Variants in MYRIP observed in about 807,000 individuals in gnomAD.
MYRIP encodes the protein myosin VIIA and Rab interacting protein, also known as rab effector MyRIP.
MYRIP carries 49 observed loss-of-function variants against 98.0 expected under a neutral mutation model. The observed-to-expected ratio is 0.50, with a 90% confidence interval of 0.40 to 0.63. The LOEUF is 0.63. Ranked by LOEUF, MYRIP falls within the 30% of genes least tolerant of loss-of-function variation. The pLI is 0.00. For synonymous variants in MYRIP, 404 were observed against 409.5 expected (o/e 0.99, Z 0.16); for missense variants, 1,004 against 1,058.2 (o/e 0.95, Z 0.71).
chr3:39,812,499 G>T (rs375261415), intron 1 of MYRIP, among the ~76,000 whole-genome samples: 2 of 152,332 alleles, frequency 1.3e-5, no homozygotes, highest in African/African-American at 2.4e-5. Context: ...AGATGTAACA[G>T]TGCTGACATT....
intron 2 of MYRIP, among the ~76,000 whole-genome samples, chr3:39,944,804 C>A (rs576502246): frequency 6.6e-6 from 1 of 152,056 alleles, no homozygotes; most frequent in African/African-American, 2.4e-5. Context: ...TATATACAAT[C>A]GCAAGAAGTA....
chr3:40,247,503 A>C (rs1407323121), intron 13 of MYRIP, among the ~76,000 whole-genome samples: 1 of 152,088 alleles, frequency 6.6e-6, no homozygotes, highest in Non-Finnish European at 1.5e-5. Context: ...TTTAATCCAA[A>C]TTTCGTGACC....
intron 9 of MYRIP, among the ~76,000 whole-genome samples, chr3:40,184,030 A>G (rs764762262): frequency 5.1e-4 from 78 of 152,364 alleles, no homozygotes; most frequent in Non-Finnish European, 1.1e-3. Context: ...GTGCCATGAC[A>G]TTGCAGAAAT....
chr3:40,122,667 A>G (rs1949429150), intron 3 of MYRIP, among the ~76,000 whole-genome samples: 1 of 151,852 alleles, frequency 6.6e-6, no homozygotes, highest in South Asian at 2.1e-4. Flanking sequence ...GGTCTATAAG[A>G]CGTTTTGATT....
intron 3 of MYRIP, among the ~76,000 whole-genome samples, chr3:40,145,214 A>C (rs1949983861): frequency 6.6e-6 from 1 of 152,192 alleles, no homozygotes; most frequent in South Asian, 2.1e-4. Context: ...CCATGTGCCT[A>C]CCACTGCACT....
chr3:39,851,717 T>C (rs967420469), intron 1 of MYRIP, among the ~76,000 whole-genome samples: 3 of 152,172 alleles, frequency 2.0e-5, no homozygotes, highest in African/African-American at 7.2e-5. Context: ...AATAAAATCA[T>C]AGTGTCACTT....
intron 3 of MYRIP, among the ~76,000 whole-genome samples, chr3:40,121,805 A>G (rs992274690): frequency 3.3e-5 from 5 of 152,206 alleles, no homozygotes; most frequent in Admixed American, 3.3e-4. Context: ...TTCATAATGA[A>G]CTAAATTTAC....
chr3:39,858,038 C>T (rs1942357616), intron 1 of MYRIP, among the ~76,000 whole-genome samples: 1 of 152,054 alleles, frequency 6.6e-6, no homozygotes, highest in African/African-American at 2.4e-5. Flanking sequence ...AAGTCCTTAC[C>T]TATGAATAAT....
intron 3 of MYRIP, among the ~76,000 whole-genome samples, chr3:40,088,047 A>T (rs191851814): frequency 2.8e-4 from 42 of 152,188 alleles, no homozygotes; most frequent in Middle Eastern, 3.4e-3. Flanking sequence ...TCTGTGCAGA[A>T]AAAGGTGGGC....
chr3:39,979,164 G>GT (rs1430926709), intron 2 of MYRIP, among the ~76,000 whole-genome samples: 1 of 152,012 alleles, frequency 6.6e-6, no homozygotes, highest in Admixed American at 6.6e-5. Flanking sequence ...TTGTTTGTCT[G>GT]TTTTTTGAGA....
In MYRIP at chr3:39,824,679, G is replaced by A. The variant is rs1379547552; in HGVS notation, c.-31+14763G>A. Among the ~76,000 whole-genome samples, 6 of 150,658 alleles carry A rather than the reference G, an allele frequency of 4.0e-5. No homozygotes were observed. In the South Asian group the frequency reaches 1.1e-3, roughly 26 times the overall value. On this transcript the variant is annotated intron_variant, in intron 1 of 16. Coordinates refer to ENST00000302541, the MANE Select transcript of MYRIP (RefSeq NM_015460.4). ...CTTTTTCAGATAGTTGATTGTTTGT[G>A]CATATTAATCCTACTAATCCGACTG...
chr3:40,206,259 A>T (rs142704527), intron 10 of MYRIP, among the ~76,000 whole-genome samples: 13 of 152,262 alleles, frequency 8.5e-5, no homozygotes, highest in African/African-American at 2.6e-4. Flanking sequence ...CAGGCTAAAA[A>T]TACCTATTTT....
intron 10 of MYRIP, among the ~76,000 whole-genome samples, chr3:40,199,019 T>C (rs1951479110): frequency 6.6e-6 from 1 of 152,144 alleles, no homozygotes; most frequent in South Asian, 2.1e-4. Flanking sequence ...ACAAAATTGA[T>C]GGAATGAATC....
chr3:39,869,405 T>A (rs1488362129), intron 1 of MYRIP, among the ~76,000 whole-genome samples: 3 of 152,220 alleles, frequency 2.0e-5, no homozygotes, highest in Non-Finnish European at 4.4e-5. Context: ...TTTAATTTGT[T>A]TTTTTTCATA....
chr3:39,980,686 C>T (rs934796083), intron 2 of MYRIP, among the ~76,000 whole-genome samples: 1 of 152,162 alleles, frequency 6.6e-6, no homozygotes, highest in Non-Finnish European at 1.5e-5. Flanking sequence ...CTTTAGTTAC[C>T]TTGTCCTGGC....
chr3:40,208,504 TG>T (rs1358437180), intron 10 of MYRIP, among the ~76,000 whole-genome samples: 3 of 152,164 alleles, frequency 2.0e-5, no homozygotes, highest in Non-Finnish European at 4.4e-5. Context: ...TCCCCAAGCC[TG>T]GTAAAGGGTT....
intron 1 of MYRIP, among the ~76,000 whole-genome samples, chr3:39,883,267 G>A (rs1357503990): frequency 1.3e-5 from 2 of 152,206 alleles, no homozygotes; most frequent in African/African-American, 4.8e-5. Context: ...TGGAAGGCCT[G>A]TGCAGGAACT....
intron 1 of MYRIP, among the ~76,000 whole-genome samples, chr3:39,855,870 A>G (rs1055989151): frequency 6.6e-6 from 1 of 151,944 alleles, no homozygotes; most frequent in African/African-American, 2.4e-5. Context: ...GTCCACTACC[A>G]ATTTCAGTTG....
chr3:39,824,664 T>G (rs1941211715), intron 1 of MYRIP, among the ~76,000 whole-genome samples: 1 of 152,098 alleles, frequency 6.6e-6, no homozygotes, highest in Non-Finnish European at 1.5e-5. Context: ...CTTTTTCAGA[T>G]AGTTGATTGT....
Sources: allele counts gnomAD v4.1 joint callset (sites outside exome capture counted in the v4.1 genomes callset), GRCh38; gene constraint gnomAD v4.1.1; transcripts MANE v1.5; gene names NCBI Gene and HGNC (gene_info 2026-07-23, HGNC 2026-07-21).